Variants in RASAL2 observed in about 807,000 individuals in gnomAD.
The protein encoded by RASAL2 is ras GTPase-activating protein nGAP.
A neutral mutation model predicts 128.9 loss-of-function variants in RASAL2; 58 were observed. That is an observed-to-expected ratio of 0.45 (90% CI 0.36 to 0.56). RASAL2 has a LOEUF of 0.56. RASAL2 is among the 20% of genes least tolerant of loss of function. RASAL2 has a pLI of 0.00. For synonymous variants in RASAL2, 561 were observed against 580.8 expected (o/e 0.97, Z 0.49); for missense variants, 1,360 against 1,601.6 (o/e 0.85, Z 2.57).
chr1:178,352,729 G>A (rs1397628830), intron 3 of RASAL2, among the ~76,000 whole-genome samples: 1 of 152,230 alleles, frequency 6.6e-6, no homozygotes, highest in East Asian at 1.9e-4. Context: ...TTAGGCTTCT[G>A]TCTGGACATC....
In RASAL2 at chr1:178,179,071, G is replaced by A. The variant is rs1387946444; in HGVS notation, c.202+84377G>A. 2.6e-5 allele frequency among the ~76,000 whole-genome samples: 4 copies of A among 152,308 alleles called. No homozygotes were observed. In the South Asian group the frequency reaches 6.2e-4, roughly 24 times the overall value. ...CTTACAACATATTTGCAGGGTTGGT[G>A]TTATTAGTCCTGTTTGAGAGAGGTG... On this transcript the variant is annotated intron_variant, in intron 1 of 17. Coordinates refer to ENST00000367649, the MANE Select transcript of RASAL2 (RefSeq NM_170692.4).
intron 3 of RASAL2, among the ~76,000 whole-genome samples, chr1:178,355,709 A>G (rs560334040): frequency 1.3e-5 from 2 of 152,358 alleles, no homozygotes; most frequent in African/African-American, 4.8e-5. Flanking sequence ...ATATAAACCA[A>G]CAAAGAAATT....
chr1:178,246,796 A>G (rs1322525004), intron 1 of RASAL2, among the ~76,000 whole-genome samples: 3 of 151,796 alleles, frequency 2.0e-5, no homozygotes, highest in African/African-American at 7.3e-5. Flanking sequence ...AATTTTATCA[A>G]AAGCTTTTTC....
intron 1 of RASAL2, among the ~76,000 whole-genome samples, chr1:178,233,730 C>G (rs1664108412): frequency 6.6e-6 from 1 of 152,146 alleles, no homozygotes; most frequent in African/African-American, 2.4e-5. Context: ...CTGCAGTATC[C>G]CATTTGTTAG....
chr1:178,126,969 T>C (rs566520624), intron 1 of RASAL2, among the ~76,000 whole-genome samples: 1 of 152,320 alleles, frequency 6.6e-6, no homozygotes, highest in African/African-American at 2.4e-5. Context: ...CACCCACTTA[T>C]AGCAGCTAGA....
chr1:178,332,271 C>T (rs1571873662), intron 3 of RASAL2, among the ~76,000 whole-genome samples: 2 of 152,002 alleles, frequency 1.3e-5, no homozygotes, highest in Admixed American at 6.5e-5. Context: ...GAGGCCGAGG[C>T]GGGCAGATCA....
intron 3 of RASAL2, among the ~76,000 whole-genome samples, chr1:178,318,269 G>T (rs1364959307): frequency 1.4e-5 from 2 of 147,602 alleles, no homozygotes; most frequent in African/African-American, 2.5e-5. Context: ...TGTATATTCT[G>T]TTGATTTGGG....
At chr1:178,323,015 A>T (rs1188146698) in intron 3 of RASAL2, among the ~76,000 whole-genome samples, 1 of 152,084 alleles carries the variant, frequency 6.6e-6, no homozygotes, top group Non-Finnish European at 1.5e-5. Flanking sequence ...CTTCATTTCT[A>T]CCTTCTGTAT....
intron 17 of RASAL2, among the ~76,000 whole-genome samples, chr1:178,469,187 C>T (rs553754562): frequency 1.3e-5 from 2 of 152,132 alleles, no homozygotes; most frequent in East Asian, 3.9e-4. Context: ...GTCCCAGCTG[C>T]TTGGGGGGCT....
intron 1 of RASAL2, among the ~76,000 whole-genome samples, chr1:178,106,949 C>T (rs73049364): frequency 0.016 from 2,502 of 152,242 alleles, 71 homozygotes; most frequent in African/African-American, 0.056. Flanking sequence ...TGTAGCTTAA[C>T]TAGCATAATA....
At chr1:178,242,296 A>G (rs1015551248) in intron 1 of RASAL2, among the ~76,000 whole-genome samples, 26 of 152,142 alleles carry the variant, frequency 1.7e-4, no homozygotes, top group Admixed American at 6.6e-5. Context: ...ACACGTTCCC[A>G]TATTTCTGCT....
chr1:178,456,413 T>C, intron 12 of RASAL2: 1 of 425,718 alleles, frequency 2.3e-6, no homozygotes, highest in South Asian at 3.0e-5. Context: ...ATGCCTATTT[T>C]AGTTGGAATG....
intron 3 of RASAL2, among the ~76,000 whole-genome samples, chr1:178,384,881 T>G (rs1433230381): frequency 6.6e-6 from 1 of 152,128 alleles, no homozygotes; most frequent in Admixed American, 6.6e-5. Context: ...TATAAGAAAT[T>G]TATGTTATTT....
intron 3 of RASAL2, among the ~76,000 whole-genome samples, chr1:178,348,291 T>C (rs1338222980): frequency 6.6e-6 from 1 of 152,140 alleles, no homozygotes; most frequent in Admixed American, 6.6e-5. Context: ...TCTTTTTTCT[T>C]TTTCTTTTTT....
chr1:178,102,964 A>T (rs1250285610), intron 1 of RASAL2, among the ~76,000 whole-genome samples: 1 of 152,240 alleles, frequency 6.6e-6, no homozygotes, highest in East Asian at 1.9e-4. Context: ...GTTTACAAAA[A>T]ATTCAGGGTT....
intron 3 of RASAL2, among the ~76,000 whole-genome samples, chr1:178,355,300 GAATA>G (rs1670742506): frequency 6.6e-6 from 1 of 152,164 alleles, no homozygotes; most frequent in South Asian, 2.1e-4. Context: ...CAATGGAACA[GAATA>G]AAGAGTCCAA....
At chr1:178,208,303 G>T (rs778207626) in intron 1 of RASAL2, among the ~76,000 whole-genome samples, 1 of 152,094 alleles carries the variant, frequency 6.6e-6, no homozygotes. Context: ...GAGAGACATC[G>T]CTAAATTCTT....
At chr1:178,174,764 G>C (rs759617178) in intron 1 of RASAL2, among the ~76,000 whole-genome samples, 26 of 152,084 alleles carry the variant, frequency 1.7e-4, no homozygotes, top group Non-Finnish European at 3.5e-4. Flanking sequence ...TTTGACTTTG[G>C]CATTTACTTT....
rs200104222 is a variant in RASAL2, at chr1:178,340,943, G to A, written c.457+40825G>A. ...AGTTCTAGCCTAAGACCTGAATTAA[G>A]GGCTTTAGGGAAATAAAAACTTTGT... On this transcript the variant is annotated intron_variant, in intron 3 of 17. Coordinates refer to ENST00000367649, the MANE Select transcript of RASAL2 (RefSeq NM_170692.4). 1.4e-4 allele frequency among the ~76,000 whole-genome samples: 22 copies of A among 152,182 alleles called. No individual in the cohort carries two copies. In the East Asian group the frequency reaches 3.1e-3, roughly 21 times the overall value.
Sources: gnomAD v4.1 joint callset for allele counts (sites outside exome capture counted in the v4.1 genomes callset) on GRCh38, gnomAD v4.1.1 for gene constraint, MANE v1.5 for transcripts, NCBI Gene and HGNC (gene_info 2026-07-23, HGNC 2026-07-21) for gene names.